Variants in CALCA observed in about 807,000 individuals in gnomAD.
CALCA encodes calcitonin related polypeptide alpha.
Under a neutral mutation model 6.9 loss-of-function variants are expected in CALCA, and 4 were observed. The ratio of observed to expected loss-of-function variants is 0.58; its 90% CI spans 0.29 to 1.33. The LOEUF (loss-of-function observed/expected upper bound fraction) is 1.33. Among genes scored for constraint, CALCA ranks in the 40% most tolerant of loss-of-function variants. The probability of loss-of-function intolerance (pLI) is 0.09; values close to 1 mark genes in which losing one functional copy is unlikely to be tolerated. For missense variants in CALCA, 174 were observed against 178.3 expected, an observed-to-expected ratio of 0.98 and a Z score of 0.14; for synonymous variants, 78 against 70.0, an observed-to-expected ratio of 1.11 and a Z score of -0.57.
In CALCA at chr11:14,969,016, C is replaced by T. The variant is rs544741018; in HGVS notation, c.228-19G>A. The stretch of plus-strand genomic sequence containing the variant: ...GTCCAGGCTGCAGGGAAAACACATA[C>T]CAGACAGTACCATGCACCAGAATCT... On this transcript the variant is annotated intron_variant, in intron 3 of 3. Transcript: ENST00000331587. 2 of 1,607,354 alleles carry T rather than the reference C, an allele frequency of 1.2e-6. No homozygotes were observed. The highest frequency in any genetic ancestry group is 2.2e-5 in the East Asian group (1 of 44,842).
In CALCA at chr11:14,971,865, C is replaced by A. The variant is rs542215942; in HGVS notation, c.-10+380G>T. ...CTATTTGCCACCCATCCGCTCTGTT[C>A]CAGGTTCTGAACCAATTTCCCTGGG... On this transcript the variant is annotated intron_variant, in intron 1 of 3. Transcript: ENST00000331587. 5.3e-5 allele frequency among the ~76,000 whole-genome samples: 8 copies of A among 152,308 alleles called. No individual in the cohort carries two copies. In the East Asian group the frequency reaches 1.5e-3, roughly 29 times the overall value.
intron 1 of CALCA, among the ~76,000 whole-genome samples, chr11:14,971,800 G>A (rs1432410639): frequency 1.3e-5 from 2 of 152,182 alleles, no homozygotes; most frequent in African/African-American, 4.8e-5. Context: ...CTGTGACTGG[G>A]GCTTGCAGTT....
At position 14,969,013 on chromosome 11, in the gene CALCA, A is replaced by C; in HGVS notation, c.228-16T>G. On this transcript the variant is annotated splice_polypyrimidine_tract_variant and intron_variant, in intron 3 of 3. Transcript: ENST00000331587. ...GCTGTCCAGGCTGCAGGGAAAACAC[A>C]TACCAGACAGTACCATGCACCAGAA... 1 of 1,610,900 alleles carries C rather than the reference A, an allele frequency of 6.2e-7. No homozygotes were observed. Among genetic ancestry groups the C allele is most frequent in the Non-Finnish European group, 8.5e-7 (1 of 1,178,066 alleles).
chr11:14,970,368 C>T (rs1302731711), intron 2 of CALCA, among the ~76,000 whole-genome samples: 2 of 152,206 alleles, frequency 1.3e-5, no homozygotes, highest in African/African-American at 4.8e-5. Flanking sequence ...CAAAAACTTA[C>T]AGTTAGTGCT....
At chr11:14,969,827 G>A (rs782577675) in intron 3 of CALCA, 108 bp downstream of exon 3, 15 of 1,549,670 alleles carry the variant, frequency 9.7e-6, no homozygotes, top group Non-Finnish European at 1.2e-5. Context: ...GAACAACACA[G>A]CCTGTTGGAT....
chr11:14,971,705 C>T (rs1590268573), intron 1 of CALCA, among the ~76,000 whole-genome samples: 1 of 152,212 alleles, frequency 6.6e-6, no homozygotes. Flanking sequence ...GCCTAAGCTC[C>T]GCCTGCTGGC....
intron 2 of CALCA, among the ~76,000 whole-genome samples, 174 bp from the exon 3 acceptor site, chr11:14,970,249 C>A (rs1365935605): frequency 2.0e-5 from 3 of 152,210 alleles, no homozygotes; most frequent in Non-Finnish European, 4.4e-5. Context: ...ACTGGTGTGG[C>A]CTCTAAACAG....
At chr11:14,971,891 A>T (rs924385735) in intron 1 of CALCA, among the ~76,000 whole-genome samples, 1 of 152,066 alleles carries the variant, frequency 6.6e-6, no homozygotes, top group East Asian at 1.9e-4. Context: ...TTTCCCTGGG[A>T]CTGCTGGGCT....
rs536041452 is a variant in CALCA, at chr11:14,969,475, G to A, written c.227+460C>T. On this transcript the variant is annotated intron_variant, in intron 3 of 3. Coordinates refer to ENST00000331587, the MANE Select transcript of CALCA (RefSeq NM_001741.3). ...TCTACCCATCCCCATCCCCTGCAAG[G>A]GCCTCACCTTCACCTTGCAAATGTG... 2.6e-5 allele frequency among the ~76,000 whole-genome samples: 4 copies of A among 152,222 alleles called. No individual in the cohort carries two copies. In the South Asian group the frequency reaches 8.3e-4, roughly 32 times the overall value.
chr11:14,971,179 T>C lies in CALCA; in HGVS notation c.14A>G (p.Lys5Arg). The C allele has an allele frequency of 6.2e-7, 1 of 1,613,908 alleles. No individual in the cohort carries two copies. Among genetic ancestry groups the C allele is most frequent in the Non-Finnish European group, 8.5e-7 (1 of 1,179,884 alleles). ...GCTGAGAGCCAGGAAGGGGGAGAAC[T>C]TTTGGAAGCCCATGACACCTCTCTG... MGFQ[K>R]FSPFLALSIL... The change falls in exon 2 of 4, where the codon AAG (lysine) becomes AGG (arginine). Residue 5 changes from lysine to arginine, a missense_variant. By Grantham distance (26) the Lys-to-Arg change is conservative. Coordinates refer to ENST00000331587, the MANE Select transcript of CALCA (RefSeq NM_001741.3).
At chr11:14,970,180 G>A in intron 2 of CALCA, 105 bp from the exon 3 acceptor site, 2 of 1,503,640 alleles carry the variant, frequency 1.3e-6, no homozygotes, top group East Asian at 2.4e-5. Flanking sequence ...CTGAGGATGT[G>A]GCCAGCGGGA....
Position 14,971,088 on chromosome 11 carries a change from T to G in CALCA, c.86+19A>C. 1 of 1,607,306 alleles carries G rather than the reference T, an allele frequency of 6.2e-7. No individual in the cohort carries two copies. The highest frequency in any genetic ancestry group is 8.5e-7 in the Non-Finnish European group (1 of 1,173,774). On this transcript the variant is annotated intron_variant, in intron 2 of 3. Coordinates refer to ENST00000331587, the MANE Select transcript of CALCA (RefSeq NM_001741.3). Reference sequence around the variant, plus strand: ...GAATTGTCTGATACCAGTGTGGTTCTGGCTTCAGGCTGTCTTACCTGAATG... The same window carrying G: ...GAATTGTCTGATACCAGTGTGGTTCGGGCTTCAGGCTGTCTTACCTGAATG...
downstream of CALCA, chr11:14,967,692 T>C: frequency 1.9e-6 from 3 of 1,614,036 alleles, no homozygotes; most frequent in Non-Finnish European, 2.5e-6. Context: ...GTCATTCAGC[T>C]GCTCAGGCTT....
At chr11:14,971,673 A>T (rs1354315632) in intron 1 of CALCA, among the ~76,000 whole-genome samples, 1 of 152,158 alleles carries the variant, frequency 6.6e-6, no homozygotes, top group Non-Finnish European at 1.5e-5. Context: ...CTGAGAAATA[A>T]AAGAATCAAT....
chr11:14,969,909 T>C, intron 3 of CALCA, 26 bp downstream of exon 3: 1 of 1,612,326 alleles, frequency 6.2e-7, no homozygotes, highest in Non-Finnish European at 8.5e-7. Context: ...GAGGAGGCCC[T>C]GTGCTGAGCG....
rs139174088 is a variant in CALCA at position 14,969,105 on chromosome 11, G to C, written c.228-108C>G. On this transcript the variant is annotated intron_variant, in intron 3 of 3. Transcript: ENST00000331587. ...GGGGACCCTGGGAGCAGGAGGGGCA[G>C]GCAGGAGGGCAGCTCACTTATCTAT... 752 of 927,560 alleles carry C rather than the reference G, an allele frequency of 8.1e-4. 6 individuals are homozygous for C. In the African/African-American group the frequency reaches 0.01, roughly 13 times the overall value. 57.5% of individuals were successfully genotyped at this position (927,560 alleles called of 1,614,324 possible). A position where few individuals can be genotyped will look rare whatever the true frequency, so the allele number is the denominator to read the frequency against.
Position 14,968,563 on chromosome 11 carries a change from T to C in CALCA, c.*236A>G. ...ACATTCAGAAGCAGGACAGAGGAGC[T>C]CTGATGACATCTCTGGGGGACTCAA... On this transcript the variant is annotated 3_prime_UTR_variant, in exon 4 of 4. Transcript: ENST00000331587. 1 of 1,421,846 alleles carries C rather than the reference T, an allele frequency of 7.0e-7. No homozygotes were observed. Among genetic ancestry groups the C allele is most frequent in the Non-Finnish European group, 9.2e-7 (1 of 1,089,098 alleles). The allele number at this position is 1,421,846 out of a possible 1,614,324, so 88.1% of individuals were successfully genotyped here.
intron 3 of CALCA, 152 bp downstream of exon 3, chr11:14,969,783 G>A (rs1001671419): frequency 1.1e-5 from 13 of 1,194,290 alleles, no homozygotes; most frequent in Admixed American, 1.8e-5. Flanking sequence ...TGTCTCCCTT[G>A]GAGGCTGAGA....
chr11:14,969,814 G>A (rs141315379), intron 3 of CALCA, 121 bp downstream of exon 3: 150 of 1,490,230 alleles, frequency 1.0e-4, no homozygotes, highest in African/African-American at 5.8e-4. Context: ...CCCAGGTCCC[G>A]GTGAACAACA....
Sources: gnomAD v4.1 joint callset for allele counts (sites outside exome capture counted in the v4.1 genomes callset) on GRCh38, gnomAD v4.1.1 for gene constraint, MANE v1.5 for transcripts, NCBI Gene and HGNC (gene_info 2026-07-23, HGNC 2026-07-21) for gene names.